REDIC1: variants seen among roughly 807,000 people sequenced by gnomAD.
The protein encoded by REDIC1 is regulator of DNA class I crossover intermediates 1.
At chr12:39,692,290 A>G in the REDIC1 span, 3 of 529,094 alleles carry the variant, frequency 5.7e-6, no homozygotes, top group African/African-American at 5.9e-5. Context: ...TTAAATATAC[A>G]TGAGTACATT....
the REDIC1 span, among the ~76,000 whole-genome samples, chr12:39,712,830 TATAC>T: frequency 7.1e-6 from 1 of 141,682 alleles, no homozygotes; most frequent in Non-Finnish European, 1.6e-5. Context: ...TGTGTATGTA[TATAC>T]ATATACACGT....
At chr12:39,698,684 G>A in the REDIC1 span, among the ~76,000 whole-genome samples, 1 of 151,976 alleles carries the variant, frequency 6.6e-6, no homozygotes, top group African/African-American at 2.4e-5. Flanking sequence ...AAATAATGAG[G>A]AATTTTGGGA....
the REDIC1 span, among the ~76,000 whole-genome samples, chr12:39,766,432 G>T: frequency 6.6e-6 from 1 of 152,042 alleles, no homozygotes; most frequent in Non-Finnish European, 1.5e-5. Context: ...ACGATCATCT[G>T]CACCTTTCAC....
chr12:39,635,343 C>T, the REDIC1 span, among the ~76,000 whole-genome samples: 4 of 152,082 alleles, frequency 2.6e-5, no homozygotes, highest in African/African-American at 4.8e-5. Context: ...CACATGCACA[C>T]GTATGTTTAT....
chr12:39,748,437 A>G, the REDIC1 span, among the ~76,000 whole-genome samples: 14 of 152,318 alleles, frequency 9.2e-5, no homozygotes, highest in East Asian at 2.7e-3. Flanking sequence ...TTAGAGACCT[A>G]GAAAGAGACT....
the REDIC1 span, among the ~76,000 whole-genome samples, chr12:39,820,693 A>G: frequency 2.6e-5 from 2 of 77,992 alleles, no homozygotes; most frequent in Non-Finnish European, 5.2e-5. Context: ...CAGCATGTAT[A>G]ATCTTCGGCT....
chr12:39,730,500 G>A, the REDIC1 span, among the ~76,000 whole-genome samples: 1 of 152,264 alleles, frequency 6.6e-6, no homozygotes, highest in African/African-American at 2.4e-5. Flanking sequence ...CTTTCTTCTG[G>A]CTTGTAGGGT....
the REDIC1 span, among the ~76,000 whole-genome samples, chr12:39,895,444 C>T: frequency 7.5e-6 from 1 of 133,268 alleles, no homozygotes; most frequent in African/African-American, 2.9e-5. Context: ...GAGCCGAGAT[C>T]GTGCCACTGC....
the REDIC1 span, among the ~76,000 whole-genome samples, chr12:39,672,710 T>C: frequency 4.6e-5 from 7 of 152,062 alleles, no homozygotes. Flanking sequence ...GCTAGAGTAC[T>C]GGGGGGCTCT....
chr12:39,876,763 C>G, the REDIC1 span, among the ~76,000 whole-genome samples: 3 of 152,018 alleles, frequency 2.0e-5, no homozygotes, highest in Admixed American at 6.6e-5. Context: ...TGGCATGGGA[C>G]TATAAAGACG....
At chr12:39,826,114 C>T in the REDIC1 span, among the ~76,000 whole-genome samples, 1 of 151,998 alleles carries the variant, frequency 6.6e-6, no homozygotes, top group Non-Finnish European at 1.5e-5. Flanking sequence ...TATAAGCTTA[C>T]TGAATTTACT....
chr12:39,871,702 A>C, the REDIC1 span: 1 of 1,221,788 alleles, frequency 8.2e-7, no homozygotes, highest in Admixed American at 3.1e-5. Flanking sequence ...TGAGAAACCA[A>C]TATTAGAAGT....
At chr12:39,669,466 G>C in the REDIC1 span, among the ~76,000 whole-genome samples, 4 of 152,186 alleles carry the variant, frequency 2.6e-5, no homozygotes, top group African/African-American at 7.2e-5. Flanking sequence ...TGCCCCTACT[G>C]GGGGGTGCAT....
chr12:39,884,404 T>C, the REDIC1 span, among the ~76,000 whole-genome samples: 2 of 152,232 alleles, frequency 1.3e-5, no homozygotes, highest in South Asian at 2.1e-4. Context: ...AATTAATCTA[T>C]GTCCTTTACC....
At chr12:39,747,802 C>G in the REDIC1 span, among the ~76,000 whole-genome samples, 1 of 152,110 alleles carries the variant, frequency 6.6e-6, no homozygotes, top group African/African-American at 2.4e-5. Flanking sequence ...AATTTTCAAC[C>G]CAGAATTTCA....
At chr12:39,794,565 T>TGTTCAAAGAAGGCAAAGGCAG in the REDIC1 span, among the ~76,000 whole-genome samples, 11 of 152,286 alleles carry the variant, frequency 7.2e-5, no homozygotes, top group Non-Finnish European at 1.5e-4. Flanking sequence ...CACAGACAAC[T>TGTTCAAAGAAGGCAAAGGCAG]GTTCAAAGAA....
chr12:39,712,856 T>TACAC, the REDIC1 span, among the ~76,000 whole-genome samples: 1 of 141,014 alleles, frequency 7.1e-6, no homozygotes, highest in Non-Finnish European at 1.6e-5. Context: ...TATACACATA[T>TACAC]GTATATACAC....
chr12:39,724,035 G>T, the REDIC1 span, among the ~76,000 whole-genome samples: 1 of 152,224 alleles, frequency 6.6e-6, no homozygotes, highest in Admixed American at 6.6e-5. Context: ...AGCTGCCAGT[G>T]CATGACTCAT....
the REDIC1 span, among the ~76,000 whole-genome samples, chr12:39,655,838 T>G: frequency 6.6e-6 from 1 of 152,182 alleles, no homozygotes. Flanking sequence ...GCTTCTCAGT[T>G]TATCGTGTGC....
Sources: allele counts gnomAD v4.1 joint callset (sites outside exome capture counted in the v4.1 genomes callset), GRCh38; gene constraint gnomAD v4.1.1; transcripts MANE v1.5; gene names NCBI Gene and HGNC (gene_info 2026-07-23, HGNC 2026-07-21).